The following DLG2 variants were observed in gnomAD, a reference collection of about 807,000 sequenced individuals.
DLG2 encodes the protein disks large homolog 2.
In DLG2, 45 loss-of-function variants were observed where a neutral mutation model predicts 132.5. That is an observed-to-expected ratio of 0.34 (90% confidence interval 0.27 to 0.44). DLG2 has a LOEUF of 0.44. Among genes scored for constraint, DLG2 ranks in the 20% least tolerant of loss-of-function variants. DLG2 has a pLI of 1.00. For synonymous variants in DLG2, 424 were observed against 419.6 expected (o/e 1.01, Z -0.13); for missense variants, 1,045 against 1,196.9 (o/e 0.87, Z 1.87).
At chr11:84,483,860 T>C (rs2099144304) in intron 7 of DLG2, among the ~76,000 whole-genome samples, 1 of 152,150 alleles carries the variant, frequency 6.6e-6, no homozygotes, top group Admixed American at 6.6e-5. Context: ...CAATGGAGAG[T>C]TCGTTGGCCA....
intron 3 of DLG2, among the ~76,000 whole-genome samples, chr11:85,455,020 T>C (rs2092374759): frequency 6.6e-6 from 1 of 152,172 alleles, no homozygotes; most frequent in South Asian, 2.1e-4. Context: ...TTTTTGGCTC[T>C]ACATAAATTT....
At chr11:85,317,045 T>C (rs1283295578) in intron 3 of DLG2, among the ~76,000 whole-genome samples, 4 of 151,988 alleles carry the variant, frequency 2.6e-5, no homozygotes, top group African/African-American at 7.2e-5. Context: ...ATCCAAAGTA[T>C]GAATATCAAC....
chr11:84,971,202 A>G lies in DLG2; in HGVS notation c.357+140459T>C, dbSNP rs186055437. 6.9e-4 allele frequency among the ~76,000 whole-genome samples: 105 copies of G among 152,350 alleles called. 1 individual carries two copies. The highest frequency in any genetic ancestry group is 2.3e-3 in the Admixed American group (35 of 15,298). ...TTTTACATACAATAAACATAGCGAAAAAATGTGTCCTTTGTTGACTTTAAA... is the reference window on the plus strand; with the variant it reads ...TTTTACATACAATAAACATAGCGAAGAAATGTGTCCTTTGTTGACTTTAAA... On this transcript the variant is annotated intron_variant, in intron 6 of 27. Coordinates refer to ENST00000376104, the MANE Select transcript of DLG2 (RefSeq NM_001142699.3).
intron 3 of DLG2, among the ~76,000 whole-genome samples, chr11:85,312,775 T>C (rs1237726773): frequency 6.6e-6 from 1 of 152,040 alleles, no homozygotes; most frequent in Non-Finnish European, 1.5e-5. Context: ...GTCTATGAAG[T>C]GTGATGTCCA....
At chr11:85,396,931 C>G (rs1044240455) in intron 3 of DLG2, among the ~76,000 whole-genome samples, 1 of 152,078 alleles carries the variant, frequency 6.6e-6, no homozygotes, top group African/African-American at 2.4e-5. Context: ...AGGAGAACAC[C>G]ACAAAGATAC....
At chr11:84,698,156 A>G (rs775369392) in intron 6 of DLG2, among the ~76,000 whole-genome samples, 1 of 151,500 alleles carries the variant, frequency 6.6e-6, no homozygotes, top group Non-Finnish European at 1.5e-5. Flanking sequence ...GCCTTTGCTG[A>G]TAAGTCATTA....
At chr11:85,383,766 C>A (rs1225499109) in intron 3 of DLG2, among the ~76,000 whole-genome samples, 1 of 152,122 alleles carries the variant, frequency 6.6e-6, no homozygotes, top group Non-Finnish European at 1.5e-5. Flanking sequence ...AAAGTTATAT[C>A]TTTTCATCCA....
chr11:85,429,801 G>A (rs959979564), intron 3 of DLG2, among the ~76,000 whole-genome samples: 12 of 152,156 alleles, frequency 7.9e-5, no homozygotes, highest in African/African-American at 2.7e-4. Context: ...TCAGTGTGGC[G>A]ATTCCTCAGG....
At chr11:84,053,698 T>C (rs2096445618) in intron 11 of DLG2, among the ~76,000 whole-genome samples, 1 of 152,046 alleles carries the variant, frequency 6.6e-6, no homozygotes, top group Admixed American at 6.6e-5. Context: ...AAGTGGTTCA[T>C]ATCTTTGTTC....
intron 6 of DLG2, among the ~76,000 whole-genome samples, chr11:84,599,063 G>C (rs2154531886): frequency 6.6e-6 from 1 of 151,714 alleles, no homozygotes; most frequent in Admixed American, 6.6e-5. Flanking sequence ...TGGACAACAT[G>C]GTGAAACCCC....
intron 16 of DLG2, among the ~76,000 whole-genome samples, chr11:83,858,369 T>C (rs1254548118): frequency 2.0e-5 from 3 of 151,986 alleles, no homozygotes; most frequent in Non-Finnish European, 4.4e-5. Context: ...CCCATAATGA[T>C]CCCTTCTTCT....
intron 7 of DLG2, among the ~76,000 whole-genome samples, chr11:84,505,894 T>C (rs905734464): frequency 1.3e-5 from 2 of 152,026 alleles, no homozygotes; most frequent in Non-Finnish European, 2.9e-5. Context: ...TGGGTTGTAG[T>C]AGGCCGAAGA....
chr11:85,567,719 C>T (rs1018195078), intron 3 of DLG2, among the ~76,000 whole-genome samples: 1 of 152,074 alleles, frequency 6.6e-6, no homozygotes, highest in African/African-American at 2.4e-5. Context: ...AGGAGGAAAG[C>T]TTTCCGTCTC....
chr11:85,511,555 G>T (rs373277775), intron 3 of DLG2, among the ~76,000 whole-genome samples: 157 of 151,870 alleles, frequency 1.0e-3, no homozygotes, highest in Middle Eastern at 0.01. Flanking sequence ...TCCCATTACT[G>T]CAAGTAATCA....
intron 6 of DLG2, among the ~76,000 whole-genome samples, chr11:84,671,319 T>G (rs1405698813): frequency 6.6e-6 from 1 of 152,052 alleles, no homozygotes; most frequent in Admixed American, 6.6e-5. Flanking sequence ...CCTAAACCAG[T>G]CTTGAACTCC....
chr11:83,655,167 T>A (rs1443764684), intron 18 of DLG2, among the ~76,000 whole-genome samples: 1 of 152,216 alleles, frequency 6.6e-6, no homozygotes, highest in East Asian at 1.9e-4. Context: ...TACTAAAGAC[T>A]AGGGCATTAC....
intron 6 of DLG2, among the ~76,000 whole-genome samples, chr11:84,931,164 TTTTTAA>T (rs1216874677): frequency 2.6e-5 from 4 of 152,172 alleles, no homozygotes; most frequent in Admixed American, 6.6e-5. Context: ...TCAGTATTTT[TTTTTAA>T]TTTTAAGTTC....
chr11:84,331,652 T>C (rs1434508279), intron 7 of DLG2, among the ~76,000 whole-genome samples: 1 of 151,704 alleles, frequency 6.6e-6, no homozygotes, highest in Admixed American at 6.6e-5. Context: ...AAAATCCCCA[T>C]GTTGGTGAGA....
intron 6 of DLG2, among the ~76,000 whole-genome samples, chr11:84,831,217 G>A (rs746952001): frequency 6.6e-6 from 1 of 151,464 alleles, no homozygotes; most frequent in Admixed American, 6.6e-5. Flanking sequence ...GAGAAAGACA[G>A]TTTAGGTCAT....
Sources: gnomAD v4.1 joint callset for allele counts (sites outside exome capture counted in the v4.1 genomes callset) on GRCh38, gnomAD v4.1.1 for gene constraint, MANE v1.5 for transcripts, NCBI Gene and HGNC (gene_info 2026-07-23, HGNC 2026-07-21) for gene names.